Variants in DCAF1 observed in about 807,000 individuals in gnomAD.
DCAF1 encodes DDB1- and CUL4-associated factor 1.
A neutral mutation model predicts 128.0 loss-of-function variants in DCAF1; 15 were observed. The observed-to-expected ratio is 0.12, with a 90% CI of 0.08 to 0.18. The LOEUF (loss-of-function observed/expected upper bound fraction) is 0.18, where lower values mean the gene tolerates loss of function less well. Among genes scored for constraint, DCAF1 ranks in the 10% least tolerant of loss-of-function variants. The pLI is 1.00. For synonymous variants in DCAF1, 610 were observed against 603.0 expected (o/e 1.01, Z -0.17); for missense variants, 988 against 1,649.5 (o/e 0.60, Z 6.95).
chr3:51,495,918 T>C (rs1197844275), intron 2 of DCAF1, among the ~76,000 whole-genome samples: 1 of 151,528 alleles, frequency 6.6e-6, no homozygotes, highest in East Asian at 1.9e-4. Context: ...TGCTTGAGCC[T>C]AGGAGGTGGA....
At chr3:51,483,613 G>GTGTC in intron 3 of DCAF1, 106 bp downstream of exon 3, 1 of 574,828 alleles carries the variant, frequency 1.7e-6, no homozygotes, top group Non-Finnish European at 3.0e-6. Flanking sequence ...ACTAGTTTGT[G>GTGTC]TGTGTGTGTG....
chr3:51,483,662 G>A (rs1289492364), intron 3 of DCAF1, 57 bp downstream of exon 3: 101 of 998,926 alleles, frequency 1.0e-4, no homozygotes, highest in Middle Eastern at 2.2e-4. Flanking sequence ...GAAATCTAGC[G>A]TATGAGTTGT....
At chr3:51,458,190 A>T (rs1233968883) in intron 6 of DCAF1, among the ~76,000 whole-genome samples, 157 of 152,320 alleles carry the variant, frequency 1.0e-3, no homozygotes, top group Admixed American at 2.9e-3. Flanking sequence ...AGACACACAC[A>T]TAGGCTCAAA....
chr3:51,469,505 C>T (rs1224760646), intron 4 of DCAF1, among the ~76,000 whole-genome samples: 1 of 151,588 alleles, frequency 6.6e-6, no homozygotes, highest in African/African-American at 2.4e-5. Flanking sequence ...GCTGAGATTA[C>T]AGGCGTGAGC....
upstream of DCAF1, among the ~76,000 whole-genome samples, chr3:51,502,268 T>G (rs1055348836): frequency 6.6e-6 from 1 of 152,124 alleles, no homozygotes; most frequent in Non-Finnish European, 1.5e-5. Context: ...GTCAGAGCAC[T>G]GTGGCTCATG....
upstream of DCAF1, among the ~76,000 whole-genome samples, chr3:51,500,213 T>C (rs113016765): frequency 1.4e-5 from 2 of 144,172 alleles, no homozygotes; most frequent in African/African-American, 5.1e-5. Context: ...GGCCCACCAG[T>C]CCCAATTGAC....
rs201297541 is a variant in DCAF1, at chr3:51,463,234, AG to A, written c.262-8del. 0.026 allele frequency: 39,417 copies of A among 1,526,202 alleles called. 266 individuals are homozygous for A. The highest frequency in any genetic ancestry group is 0.038 in the Middle Eastern group (221 of 5,768). 94.5% of individuals were successfully genotyped at this position (1,526,202 alleles called of 1,614,324 possible). ...TCACATATGCATTCACCAGCTGTAA[AG>A]AAAAAAAAGAAATACTGTTCATCTA... is the stretch of plus-strand genomic sequence containing the variant. On this transcript the variant is annotated splice_polypyrimidine_tract_variant and splice_region_variant and intron_variant, in intron 5 of 24. Coordinates refer to ENST00000684031, the MANE Select transcript of DCAF1 (RefSeq NM_001387579.1).
rs374061693 is a variant in DCAF1 at position 51,468,819 on chromosome 3, CAT to C, written c.188-1945_188-1944del. 1.2e-4 allele frequency among the ~76,000 whole-genome samples: 19 copies of C among 152,160 alleles called. No homozygotes were observed. The South Asian group carries it at 3.9e-3, about 31-fold the overall frequency. On this transcript the variant is annotated intron_variant, in intron 4 of 24. Coordinates refer to ENST00000684031, the MANE Select transcript of DCAF1 (RefSeq NM_001387579.1). Reference sequence around the variant, plus strand: ...CTTTGTAAGCTCTACTGAAAAATGTCATATCTTTCTCTGTCTCTCCCTTCTTC... The same window carrying C: ...CTTTGTAAGCTCTACTGAAAAATGTCATCTTTCTCTGTCTCTCCCTTCTTC...
At position 51,420,287 on chromosome 3, in the gene DCAF1, A is replaced by G. The variant is rs782146918; in HGVS notation, c.2683T>C (p.Ser895Pro). 1.2e-6 allele frequency: 2 copies of G among 1,613,960 alleles called. No individual in the cohort carries two copies. The highest frequency in any genetic ancestry group is 1.7e-6 in the Non-Finnish European group (2 of 1,179,898). The change falls in exon 15 of 25, where the codon TCT (serine) becomes CCT (proline). Residue 895 changes from serine to proline, a missense_variant. Ser to Pro is a moderately conservative substitution (Grantham distance 74). Coordinates refer to ENST00000684031, the MANE Select transcript of DCAF1 (RefSeq NM_001387579.1). The surrounding 1 kb of genome is among the most constrained non-coding windows in gnomAD (Gnocchi z 6.5). The part of the protein sequence containing the change: ...SAFTPVTAAA[S>P]PVSLPRTPRI... Reference sequence around the variant, plus strand: ...GGGGTTCGGGGTAGAGAGACAGGAGAAGCAGCAGCAGTGACTGGGGTAAAG... The same window carrying G: ...GGGGTTCGGGGTAGAGAGACAGGAGGAGCAGCAGCAGTGACTGGGGTAAAG...
intron 24 of DCAF1, among the ~76,000 whole-genome samples, chr3:51,401,131 C>CAAAA (rs57102954): frequency 4.5e-5 from 3 of 67,256 alleles, no homozygotes; most frequent in Non-Finnish European, 6.0e-5. Context: ...GACTCCATCT[C>CAAAA]AAAAAAAAAA....
intron 13 of DCAF1, among the ~76,000 whole-genome samples, chr3:51,426,191 T>C (rs1553634036): frequency 1.3e-5 from 2 of 152,200 alleles, no homozygotes; most frequent in South Asian, 2.1e-4. Context: ...TTTTCATGAA[T>C]AACGCAAACA....
At chr3:51,464,673 T>C (rs1703950342) in intron 5 of DCAF1, among the ~76,000 whole-genome samples, 1 of 149,950 alleles carries the variant, frequency 6.7e-6, no homozygotes, top group Non-Finnish European at 1.5e-5. Flanking sequence ...CGTGAGATGC[T>C]GTCTTAAAAA....
intron 2 of DCAF1, 66 bp from the exon 3 acceptor site, chr3:51,483,902 G>A: frequency 8.8e-7 from 1 of 1,132,810 alleles, no homozygotes; most frequent in Non-Finnish European, 1.3e-6. Flanking sequence ...TAAAAGTGAA[G>A]AAGGGGTAGA....
At chr3:51,449,503 G>C (rs182078811) in intron 6 of DCAF1, among the ~76,000 whole-genome samples, 1 of 152,098 alleles carries the variant, frequency 6.6e-6, no homozygotes, top group East Asian at 1.9e-4. Flanking sequence ...CACTGTGCCC[G>C]GCCAGAATGA....
intron 6 of DCAF1, among the ~76,000 whole-genome samples, chr3:51,446,975 T>TAATAATAATAATAA (rs1553640381): frequency 6.8e-6 from 1 of 146,220 alleles, no homozygotes; most frequent in East Asian, 2.0e-4. Context: ...ATAATAATAA[T>TAATAATAATAATAA]AATAATAATA....
chr3:51,448,773 A>G (rs1559525022), intron 6 of DCAF1, among the ~76,000 whole-genome samples: 1 of 152,210 alleles, frequency 6.6e-6, no homozygotes, highest in Non-Finnish European at 1.5e-5. Context: ...AGACAACCAG[A>G]CAGAAGATCA....
chr3:51,500,265 G>GT (rs1400152803), upstream of DCAF1, among the ~76,000 whole-genome samples: 8 of 151,534 alleles, frequency 5.3e-5, no homozygotes, highest in Non-Finnish European at 7.4e-5. Context: ...TGGATTTGTA[G>GT]TTTTTTTGGA....
At chr3:51,484,673 T>C (rs970468587) in intron 2 of DCAF1, among the ~76,000 whole-genome samples, 20 of 150,158 alleles carry the variant, frequency 1.3e-4, no homozygotes, top group Admixed American at 5.5e-4. Flanking sequence ...CACTCCTGTT[T>C]AATTTTTTCT....
At chr3:51,473,395 G>T (rs1705004419) in intron 3 of DCAF1, among the ~76,000 whole-genome samples, 1 of 137,912 alleles carries the variant, frequency 7.3e-6, no homozygotes. Context: ...TCTCCTATGT[G>T]CTTATTTCCA....
Sources: gnomAD v4.1 joint callset for allele counts (sites outside exome capture counted in the v4.1 genomes callset) on GRCh38, gnomAD v4.1.1 for gene constraint, Gnocchi (gnomAD v3.1) non-coding constraint, MANE v1.5 for transcripts, NCBI Gene and HGNC (gene_info 2026-07-23, HGNC 2026-07-21) for gene names.